The following LOC128462377 variants were observed in gnomAD, a reference collection of about 807,000 sequenced individuals.
chr16:89,372,994 A>G, the LOC128462377 span: 1 of 152,238 alleles, frequency 6.6e-6, no homozygotes, highest in African/African-American at 2.4e-5. Flanking sequence ...CGAGGAAGGC[A>G]CAGCACCCAC....
the LOC128462377 span, among the ~76,000 whole-genome samples, chr16:89,344,035 T>C: frequency 1.3e-5 from 2 of 152,138 alleles, no homozygotes; most frequent in African/African-American, 4.8e-5. Context: ...CAGCCACTCC[T>C]CAAGCCCGGC....
chr16:89,335,945 C>T, the LOC128462377 span, among the ~76,000 whole-genome samples: 2 of 152,240 alleles, frequency 1.3e-5, no homozygotes, highest in Admixed American at 6.5e-5. Context: ...CCGCCGCAAA[C>T]ATGACCGTGC....
the LOC128462377 span, among the ~76,000 whole-genome samples, chr16:89,329,826 T>C: frequency 6.6e-6 from 1 of 152,000 alleles, no homozygotes; most frequent in African/African-American, 2.4e-5. Context: ...CTGGCCAACA[T>C]GGTGAAACTC....
chr16:89,406,643 A>G, the LOC128462377 span, among the ~76,000 whole-genome samples: 8 of 152,186 alleles, frequency 5.3e-5, no homozygotes, highest in African/African-American at 1.7e-4. Flanking sequence ...CATCAGACAC[A>G]GGGTTTTAGT....
chr16:89,345,722 T>C, the LOC128462377 span, among the ~76,000 whole-genome samples: 29 of 152,302 alleles, frequency 1.9e-4, no homozygotes, highest in Admixed American at 9.1e-4. Context: ...GTTTAATCCA[T>C]GAACAAACAT....
the LOC128462377 span, among the ~76,000 whole-genome samples, chr16:89,376,968 C>T: frequency 6.6e-6 from 1 of 152,190 alleles, no homozygotes. Flanking sequence ...ACACCAGCTG[C>T]CAGGTATTTG....
At chr16:89,417,015 C>A in the LOC128462377 span, among the ~76,000 whole-genome samples, 1 of 152,274 alleles carries the variant, frequency 6.6e-6, no homozygotes, top group East Asian at 1.9e-4. Flanking sequence ...GCCCACTACC[C>A]AGGCTGGCTT....
At chr16:89,416,766 C>T in the LOC128462377 span, among the ~76,000 whole-genome samples, 1 of 105,978 alleles carries the variant, frequency 9.4e-6, no homozygotes, top group African/African-American at 3.5e-5. Context: ...TCTGTTTCTA[C>T]AAAAAAAAAA....
chr16:89,363,482 A>T, the LOC128462377 span, among the ~76,000 whole-genome samples: 85 of 26,320 alleles, frequency 3.2e-3, 1 homozygote, highest in Admixed American at 0.021. Context: ...TAATAAAATT[A>T]AAAAAAAAAA....
the LOC128462377 span, among the ~76,000 whole-genome samples, chr16:89,329,941 G>C: frequency 6.6e-6 from 1 of 151,714 alleles, no homozygotes; most frequent in Non-Finnish European, 1.5e-5. Context: ...CGTGAGCAGA[G>C]ATCACACCAC....
At chr16:89,318,626 G>A in the LOC128462377 span, among the ~76,000 whole-genome samples, 5 of 152,214 alleles carry the variant, frequency 3.3e-5, no homozygotes, top group Admixed American at 6.5e-5. Flanking sequence ...TAAAGGATAC[G>A]TTGCATGCCA....
At chr16:89,350,096 G>C in the LOC128462377 span, among the ~76,000 whole-genome samples, 1 of 152,242 alleles carries the variant, frequency 6.6e-6, no homozygotes, top group East Asian at 1.9e-4. Flanking sequence ...CACATGAAAA[G>C]ACAAGCAACA....
the LOC128462377 span, among the ~76,000 whole-genome samples, chr16:89,392,195 T>C: frequency 6.6e-5 from 10 of 152,350 alleles, no homozygotes; most frequent in South Asian, 4.1e-4. Context: ...TCTCCTTCAT[T>C]CGGTGTACTC....
the LOC128462377 span, among the ~76,000 whole-genome samples, chr16:89,340,477 G>C: frequency 6.6e-6 from 1 of 152,166 alleles, no homozygotes; most frequent in Non-Finnish European, 1.5e-5. Flanking sequence ...GTTTCACAAT[G>C]TTGTCCAGGC....
the LOC128462377 span, among the ~76,000 whole-genome samples, chr16:89,374,152 C>T: frequency 3.3e-5 from 5 of 152,166 alleles, no homozygotes; most frequent in South Asian, 8.3e-4. Context: ...CCATGACATC[C>T]CTTAAAGAGA....
chr16:89,349,176 G>C, the LOC128462377 span, among the ~76,000 whole-genome samples: 1 of 78,340 alleles, frequency 1.3e-5, no homozygotes, highest in Non-Finnish European at 2.6e-5. Flanking sequence ...AATAATTATA[G>C]TAATCAAGAC....
the LOC128462377 span, among the ~76,000 whole-genome samples, chr16:89,367,606 T>C: frequency 4.6e-5 from 7 of 152,112 alleles, no homozygotes; most frequent in Non-Finnish European, 8.8e-5. Context: ...CAAGTCCACA[T>C]TGCTTGGGGG....
the LOC128462377 span, chr16:89,324,845 C>T: frequency 3.5e-6 from 1 of 285,318 alleles, no homozygotes; most frequent in South Asian, 3.2e-5. Context: ...CTCAGCTTGC[C>T]AACAGCCTAT....
the LOC128462377 span, among the ~76,000 whole-genome samples, chr16:89,334,144 TAAAAA>T: frequency 5.3e-4 from 22 of 41,414 alleles, no homozygotes; most frequent in Admixed American, 3.5e-3. Flanking sequence ...CCCTGTGTTT[TAAAAA>T]AAAAAAAAAA....
Sources: allele counts gnomAD v4.1 joint callset (sites outside exome capture counted in the v4.1 genomes callset), GRCh38; gene constraint gnomAD v4.1.1; transcripts MANE v1.5.